GGT5: variants seen among roughly 807,000 people sequenced by gnomAD.
The protein encoded by GGT5 is glutathione hydrolase 5 proenzyme.
GGT5 carries 50 observed loss-of-function variants against 58.1 expected under a neutral mutation model. That is an observed-to-expected ratio of 0.86 (90% CI 0.69 to 1.09). The LOEUF (loss-of-function observed/expected upper bound fraction) is 1.09, where lower values mean the gene tolerates loss of function less well. GGT5 is among the 50% of genes least tolerant of loss of function. The pLI, the probability that GGT5 is intolerant of heterozygous loss-of-function variation, is 0.00. For missense variants in GGT5, 800 were observed against 789.4 expected (o/e 1.01, Z -0.16); for synonymous variants, 370 against 346.1 (o/e 1.07, Z -0.77).
intron 11 of GGT5, among the ~76,000 whole-genome samples, chr22:24,222,818 C>T (rs929933564): frequency 1.3e-5 from 2 of 152,122 alleles, no homozygotes; most frequent in Non-Finnish European, 2.9e-5. Context: ...TGGCTCACGC[C>T]TATAATCCCA....
At chr22:24,227,487 T>G (rs1014320547) in intron 6 of GGT5, among the ~76,000 whole-genome samples, 1 of 152,136 alleles carries the variant, frequency 6.6e-6, no homozygotes, top group Non-Finnish European at 1.5e-5. Context: ...CCTCAAGTGA[T>G]CCACCCTCCT....
chr22:24,238,345 T>G (rs1174805891), intron 1 of GGT5, among the ~76,000 whole-genome samples: 1 of 150,802 alleles, frequency 6.6e-6, no homozygotes, highest in African/African-American at 2.4e-5. Flanking sequence ...GTCTGGCGAA[T>G]ATGGTGAAAC....
intron 1 of GGT5, among the ~76,000 whole-genome samples, chr22:24,239,844 C>G (rs186089494): frequency 6.6e-6 from 1 of 151,528 alleles, no homozygotes; most frequent in African/African-American, 2.4e-5. Flanking sequence ...CACTTTAGGA[C>G]GCCGAGGTAA....
chr22:24,238,096 G>A (rs1464368265), intron 1 of GGT5, among the ~76,000 whole-genome samples: 1 of 151,880 alleles, frequency 6.6e-6, no homozygotes, highest in African/African-American at 2.4e-5. Context: ...AGGTGTGGTT[G>A]TGGGCACCTG....
At position 24,228,048 on chromosome 22, in the gene GGT5, C is replaced by CAAAAAAAAAAAAAAAAAAA. The variant is rs1273239063; in HGVS notation, c.902-1282_902-1281insTTTTTTTTTTTTTTTTTTT. ...TAGTAAACAGAGCAAGACTCTGTCTCAAAAAAAAAAAAAAAAAACAAAACA... is the reference window on the plus strand; with the variant it reads ...TAGTAAACAGAGCAAGACTCTGTCTCAAAAAAAAAAAAAAAAAAAAAAAAAAAAAAAAAAAAACAAAACA... On this transcript the variant is annotated intron_variant, in intron 6 of 11. Coordinates refer to ENST00000327365, the MANE Select transcript of GGT5 (RefSeq NM_004121.5). 1.1e-3 allele frequency among the ~76,000 whole-genome samples: 25 copies of CAAAAAAAAAAAAAAAAAAA among 22,066 alleles called. 5 individuals are homozygous for CAAAAAAAAAAAAAAAAAAA. Among genetic ancestry groups the CAAAAAAAAAAAAAAAAAAA allele is most frequent in the Non-Finnish European group, 1.6e-3 (18 of 11,204 alleles). 14.5% of individuals were successfully genotyped at this position (22,066 alleles called of 152,430 possible).
intron 6 of GGT5, among the ~76,000 whole-genome samples, chr22:24,229,852 A>G (rs552629264): frequency 1.2e-3 from 183 of 149,810 alleles, no homozygotes; most frequent in African/African-American, 4.3e-3. Flanking sequence ...TTCCATCTCA[A>G]AAAAAAAAAG....
In GGT5 at chr22:24,234,657, T is replaced by C. The variant is rs144281535; in HGVS notation, c.174-653A>G. Among the ~76,000 whole-genome samples the C allele has an allele frequency of 1.8e-3, 272 of 152,052 alleles. 1 individual carries two copies. Among genetic ancestry groups the C allele is most frequent in the African/African-American group, 6.2e-3 (259 of 41,492 alleles). On this transcript the variant is annotated intron_variant, in intron 1 of 11. Coordinates refer to ENST00000327365, the MANE Select transcript of GGT5 (RefSeq NM_004121.5). ...CAACATGGTGAAACCCCGTCTCTAC[T>C]AAAAATACAAAAATTAGCTGAATGT...
chr22:24,233,321 C>T (rs749887530), intron 3 of GGT5, among the ~76,000 whole-genome samples, 177 bp downstream of exon 3: 5 of 152,208 alleles, frequency 3.3e-5, no homozygotes, highest in Admixed American at 2.0e-4. Context: ...AGAGCCCGTT[C>T]CCAAGGGGGA....
At chr22:24,225,875 T>C (rs940146463) in intron 8 of GGT5, among the ~76,000 whole-genome samples, 1 of 151,988 alleles carries the variant, frequency 6.6e-6, no homozygotes, top group Non-Finnish European at 1.5e-5. Flanking sequence ...CCCAGGTAAA[T>C]CTTGGGTCGG....
At chr22:24,222,679 T>A (rs1401550481) in intron 11 of GGT5, among the ~76,000 whole-genome samples, 1 of 152,184 alleles carries the variant, frequency 6.6e-6, no homozygotes, top group African/African-American at 2.4e-5. Context: ...ATTCCATTAA[T>A]CCCAGTCCCC....
intron 11 of GGT5, among the ~76,000 whole-genome samples, 153 bp downstream of exon 11, chr22:24,224,843 A>C (rs536322630): frequency 6.6e-5 from 10 of 152,338 alleles, no homozygotes; most frequent in African/African-American, 2.4e-4. Context: ...TGACAGCCTC[A>C]CCCATCAAGG....
intron 2 of GGT5, 140 bp downstream of exon 2, chr22:24,233,734 C>T (rs2148920871): frequency 1.1e-6 from 1 of 929,308 alleles, no homozygotes; most frequent in Non-Finnish European, 1.7e-6. Context: ...GGGCTTTGCA[C>T]AGCTGAGGCA....
intron 11 of GGT5, 21 bp from the exon 12 acceptor site, chr22:24,220,137 G>A (rs749705082): frequency 3.7e-6 from 6 of 1,612,730 alleles, no homozygotes; most frequent in Middle Eastern, 3.3e-4. Context: ...GAGAAAGCAG[G>A]TTCACAGGGG....
chr22:24,244,324 C>T lies in GGT5; in HGVS notation c.173+229G>A, dbSNP rs561565797. 1.0e-4 allele frequency: 58 copies of T among 555,792 alleles called. No individual in the cohort carries two copies. The East Asian group carries it at 1.7e-3, about 16-fold the overall frequency. 34.4% of individuals were successfully genotyped at this position (555,792 alleles called of 1,614,324 possible). ...ACACACACACACACACACCCACCCA[C>T]ACATACACATACCCACACACAATCA... On this transcript the variant is annotated intron_variant, in intron 1 of 11. Transcript: ENST00000327365.
intron 1 of GGT5, among the ~76,000 whole-genome samples, chr22:24,239,780 G>C (rs920371727): frequency 3.3e-5 from 5 of 152,040 alleles, no homozygotes; most frequent in South Asian, 2.1e-4. Flanking sequence ...CTAGGAAGAG[G>C]ATAGAAGTAC....
intron 1 of GGT5, among the ~76,000 whole-genome samples, chr22:24,239,311 C>T (rs2048265678): frequency 6.6e-6 from 1 of 151,588 alleles, no homozygotes; most frequent in South Asian, 2.1e-4. Flanking sequence ...TGCACTCCAG[C>T]CTGGGCGACA....
In GGT5 at chr22:24,233,973, C is replaced by T. The variant is rs374962171; in HGVS notation, c.205G>A (p.Asp69Asn). 22 of 1,613,192 alleles carry T rather than the reference C, an allele frequency of 1.4e-5. No homozygotes were observed. Among genetic ancestry groups the T allele is most frequent in the Non-Finnish European group, 1.8e-5 (21 of 1,179,698 alleles). ...AILQQQGSPV[D>N]ATIAALVCTS... ...CAGACCAGAGCCGCGATGGTGGCAT[C>T]CACGGGTGAGCCCTGCTGCTGGAGG... The change falls in exon 2 of 12, where the codon GAT (aspartate) becomes AAT (asparagine). Residue 69 changes from aspartate (D) to asparagine (N), a missense_variant. By Grantham distance (23) the Asp-to-Asn change is conservative. Transcript: ENST00000327365.
At chr22:24,240,944 G>A (rs978990394) in intron 1 of GGT5, 1 of 152,148 alleles carries the variant, frequency 6.6e-6, no homozygotes, top group Admixed American at 6.6e-5. Context: ...GATCACCTGA[G>A]GTCGGGAGTT....
intron 11 of GGT5, chr22:24,220,682 G>T (rs959898590): frequency 6.6e-6 from 3 of 455,276 alleles, no homozygotes; most frequent in African/African-American, 6.0e-5. Flanking sequence ...GATCACTTGA[G>T]GCCAGGAGTT....
Sources: allele counts gnomAD v4.1 joint callset (sites outside exome capture counted in the v4.1 genomes callset), GRCh38; gene constraint gnomAD v4.1.1; transcripts MANE v1.5; gene names NCBI Gene and HGNC (gene_info 2026-07-23, HGNC 2026-07-21).